Variants in OR7E24 observed in about 807,000 individuals in gnomAD.
The protein encoded by OR7E24 is olfactory receptor 7E24.
For missense variants in OR7E24, 385 were observed against 410.3 expected (o/e 0.94, Z 0.53); for synonymous variants, 130 against 157.5 (o/e 0.83, Z 1.31).
chr19:9,236,343 C>T, the OR7E24 span, among the ~76,000 whole-genome samples: 1 of 151,924 alleles, frequency 6.6e-6, no homozygotes, highest in Non-Finnish European at 1.5e-5. Context: ...AACCCTGTCT[C>T]TACCAAAAAC....
At chr19:9,213,767 A>C in the OR7E24 span, 3 of 662,016 alleles carry the variant, frequency 4.5e-6, no homozygotes, top group Non-Finnish European at 7.8e-6. Context: ...ACAACAAACA[A>C]CCCAATAACA....
At chr19:9,219,617 A>C in the OR7E24 span, 1 of 152,172 alleles carries the variant, frequency 6.6e-6, no homozygotes, top group Non-Finnish European at 1.5e-5. Flanking sequence ...AAAGGCTGGG[A>C]GCAGAGAATT....
At chr19:9,213,934 C>A in the OR7E24 span, 1 of 1,613,996 alleles carries the variant, frequency 6.2e-7, no homozygotes, top group Non-Finnish European at 8.5e-7. Context: ...AGGAGTCTTT[C>A]CAGGGCCCCC....
At chr19:9,236,522 A>G in the OR7E24 span, among the ~76,000 whole-genome samples, 88 of 152,014 alleles carry the variant, frequency 5.8e-4, no homozygotes, top group African/African-American at 2.0e-3. Flanking sequence ...AAAAAAGAAA[A>G]AAAAGGTTTT....
the OR7E24 span, chr19:9,209,288 T>C: frequency 2.4e-4 from 37 of 152,222 alleles, no homozygotes; most frequent in Non-Finnish European, 4.8e-4. Context: ...CTGAACCCCA[T>C]GTTCCTCAGC....
the OR7E24 span, among the ~76,000 whole-genome samples, chr19:9,218,139 T>G: frequency 3.3e-5 from 5 of 152,364 alleles, no homozygotes; most frequent in South Asian, 2.1e-4. Flanking sequence ...AGCACATTAC[T>G]GATTCTGAGC....
At chr19:9,236,528 G>A in the OR7E24 span, among the ~76,000 whole-genome samples, 1 of 151,050 alleles carries the variant, frequency 6.6e-6, no homozygotes, top group Non-Finnish European at 1.5e-5. Flanking sequence ...GAAAAAAAAG[G>A]TTTTTGTATT....
the OR7E24 span, among the ~76,000 whole-genome samples, chr19:9,236,545 G>C: frequency 6.6e-6 from 1 of 151,484 alleles, no homozygotes; most frequent in Non-Finnish European, 1.5e-5. Context: ...TATTAGGTTG[G>C]TGCAAAAGTC....
chr19:9,238,273 ACT>A, the OR7E24 span, among the ~76,000 whole-genome samples: 11 of 151,950 alleles, frequency 7.2e-5, no homozygotes, highest in Non-Finnish European at 1.5e-4. Flanking sequence ...ACAGAGCAAG[ACT>A]CTGTCTCAAA....
At chr19:9,228,043 G>A in the OR7E24 span, among the ~76,000 whole-genome samples, 2 of 152,136 alleles carry the variant, frequency 1.3e-5, no homozygotes, top group Non-Finnish European at 2.9e-5. Context: ...GTGAGCCACA[G>A]CGCCCGGCCA....
the OR7E24 span, chr19:9,212,086 G>A: frequency 1.3e-5 from 2 of 152,060 alleles, no homozygotes. Flanking sequence ...GATAGTAGCT[G>A]TATATATTTA....
At chr19:9,234,034 G>C in the OR7E24 span, among the ~76,000 whole-genome samples, 1 of 151,808 alleles carries the variant, frequency 6.6e-6, no homozygotes, top group African/African-American at 2.4e-5. Context: ...CTCCCAAGTA[G>C]CTGGGACTAC....
chr19:9,237,421 T>C, the OR7E24 span, among the ~76,000 whole-genome samples: 5 of 152,106 alleles, frequency 3.3e-5, no homozygotes, highest in African/African-American at 1.2e-4. Flanking sequence ...TGCCATTCTC[T>C]TGCCTCAGCC....
At chr19:9,221,340 C>CTTTTTTTT in the OR7E24 span, among the ~76,000 whole-genome samples, 1 of 81,180 alleles carries the variant, frequency 1.2e-5, no homozygotes, top group African/African-American at 7.4e-5. Flanking sequence ...GTCTTTTGCC[C>CTTTTTTTT]TTTTTTTTTT....
At chr19:9,212,664 G>A in the OR7E24 span, 1 of 152,136 alleles carries the variant, frequency 6.6e-6, no homozygotes, top group Non-Finnish European at 1.5e-5. Flanking sequence ...ATTCTGGCCA[G>A]TATATTACTA....
chr19:9,251,808 C>T lies in OR7E24; in HGVS notation c.765C>T (p.Ala255=). ...CAACATCAGATGGGAAGTATAAAGC[C>T]TTCTCCACCTGTGGCTCTCACCTGG... ...RVPTSDGKYK[A]FSTCGSHLAV... is the part of the protein sequence containing the mutation. Residue 255 remains alanine (A), a synonymous_variant, in exon 1 of 1, where the codon GCC becomes GCT. Transcript: ENST00000456448. The T allele has an allele frequency of 1.2e-6, 2 of 1,613,276 alleles. No individual in the cohort carries two copies. The highest frequency in any genetic ancestry group is 1.7e-6 in the Non-Finnish European group (2 of 1,179,570).
At chr19:9,218,425 A>G in the OR7E24 span, among the ~76,000 whole-genome samples, 16 of 152,200 alleles carry the variant, frequency 1.1e-4, no homozygotes, top group Admixed American at 5.2e-4. Flanking sequence ...GAAAAAATGC[A>G]TTTGAAAAAG....
the OR7E24 span, chr19:9,211,179 G>A: frequency 6.6e-6 from 1 of 152,318 alleles, no homozygotes; most frequent in African/African-American, 2.4e-5. Context: ...AGAGTCCCTT[G>A]TGGCAACAAA....
chr19:9,214,729 C>T, the OR7E24 span: 1 of 1,613,962 alleles, frequency 6.2e-7, no homozygotes, highest in Non-Finnish European at 8.5e-7. Flanking sequence ...AGCACCGTGA[C>T]CAGGTACATG....
Sources: gnomAD v4.1 joint callset for allele counts (sites outside exome capture counted in the v4.1 genomes callset) on GRCh38, gnomAD v4.1.1 for gene constraint, MANE v1.5 for transcripts, NCBI Gene and HGNC (gene_info 2026-07-23, HGNC 2026-07-21) for gene names.